The following MLLT10 variants were observed in gnomAD, a reference collection of about 807,000 sequenced individuals.
The protein encoded by MLLT10 is protein AF-10.
A neutral mutation model predicts 129.1 loss-of-function variants in MLLT10; 30 were observed. The observed-to-expected ratio is 0.23, with a 90% CI of 0.17 to 0.32. MLLT10 has a LOEUF of 0.32. Among genes scored for constraint, MLLT10 ranks in the 10% least tolerant of loss-of-function variants. The pLI is 1.00. For synonymous variants in MLLT10, 490 were observed against 446.4 expected, an observed-to-expected ratio of 1.10 and a Z score of -1.23; for missense variants, 1,119 against 1,268.3, an observed-to-expected ratio of 0.88 and a Z score of 1.79.
intron 3 of MLLT10, chr10:21,564,379 C>G (rs536622969): frequency 6.6e-6 from 1 of 152,052 alleles, no homozygotes. Flanking sequence ...CCACTACACA[C>G]GCGTCATTGT....
intron 13 of MLLT10, among the ~76,000 whole-genome samples, chr10:21,686,832 A>T (rs1267640711): frequency 1.3e-5 from 2 of 152,128 alleles, no homozygotes; most frequent in African/African-American, 4.8e-5. Context: ...AAATACAAAA[A>T]TTAGCCAGAC....
intron 11 of MLLT10, among the ~76,000 whole-genome samples, chr10:21,676,719 T>A (rs1262395837): frequency 1.2e-4 from 1 of 8,146 alleles, no homozygotes; most frequent in Non-Finnish European, 3.0e-4. Context: ...AGACTCCATC[T>A]CAAAAAAAAA....
At chr10:21,705,008 C>G (rs2055357969) in intron 13 of MLLT10, among the ~76,000 whole-genome samples, 1 of 152,028 alleles carries the variant, frequency 6.6e-6, no homozygotes, top group African/African-American at 2.4e-5. Context: ...GTTAGTGGGT[C>G]CAGGTAGGCT....
chr10:21,550,893 A>ATTAAAAATTATGTGAAAACAT (rs1276515043), intron 3 of MLLT10, among the ~76,000 whole-genome samples: 1 of 151,344 alleles, frequency 6.6e-6, no homozygotes, highest in African/African-American at 2.4e-5. Context: ...TATTCACATA[A>ATTAAAAATTATGTGAAAACAT]TTAAAAATTG....
At chr10:21,617,777 T>C (rs1337300863) in intron 8 of MLLT10, among the ~76,000 whole-genome samples, 1 of 152,242 alleles carries the variant, frequency 6.6e-6, no homozygotes, top group Non-Finnish European at 1.5e-5. Context: ...TTTTACTTGC[T>C]TTATAGGAAA....
intron 3 of MLLT10, among the ~76,000 whole-genome samples, chr10:21,558,688 T>G (rs1314222612): frequency 6.6e-6 from 1 of 152,044 alleles, no homozygotes; most frequent in Non-Finnish European, 1.5e-5. Flanking sequence ...GCCCAACCTC[T>G]TTTCAAAAAA....
At chr10:21,607,318 C>CTT (rs34563495) in intron 5 of MLLT10, among the ~76,000 whole-genome samples, 81 of 124,034 alleles carry the variant, frequency 6.5e-4, no homozygotes, top group African/African-American at 1.1e-3. Flanking sequence ...GTACTCTATG[C>CTT]TTTTTTTTTT....
intron 3 of MLLT10, among the ~76,000 whole-genome samples, chr10:21,559,348 G>C (rs1480825527): frequency 6.6e-6 from 1 of 152,162 alleles, no homozygotes; most frequent in Non-Finnish European, 1.5e-5. Context: ...AAAGTGCTGG[G>C]ATTACAGGCA....
At chr10:21,711,528 G>T (rs2056086648) in intron 13 of MLLT10, among the ~76,000 whole-genome samples, 1 of 147,506 alleles carries the variant, frequency 6.8e-6, no homozygotes, top group African/African-American at 2.5e-5. Context: ...TTTGAAATCA[G>T]CCTGTCAGCA....
chr10:21,616,911 T>G (rs1286541814), intron 7 of MLLT10, among the ~76,000 whole-genome samples: 1 of 152,018 alleles, frequency 6.6e-6, no homozygotes, highest in African/African-American at 2.4e-5. Flanking sequence ...AATATGGCAT[T>G]AATGTTTAGA....
At chr10:21,589,394 C>A (rs2042291209) in intron 4 of MLLT10, among the ~76,000 whole-genome samples, 1 of 150,628 alleles carries the variant, frequency 6.6e-6, no homozygotes, top group East Asian at 2.0e-4. Context: ...GTAGCAGGAT[C>A]CTAGCTCACT....
chr10:21,571,567 G>T (rs891685262), intron 3 of MLLT10, among the ~76,000 whole-genome samples: 4 of 152,198 alleles, frequency 2.6e-5, no homozygotes, highest in African/African-American at 4.8e-5. Flanking sequence ...CTTCAGTGCT[G>T]TTGTTTCATT....
chr10:21,541,834 C>G (rs1188596770), intron 3 of MLLT10, among the ~76,000 whole-genome samples: 2 of 152,064 alleles, frequency 1.3e-5, no homozygotes, highest in Non-Finnish European at 1.5e-5. Flanking sequence ...TTTTATAGTT[C>G]CGATGATATG....
intron 13 of MLLT10, among the ~76,000 whole-genome samples, chr10:21,704,289 A>G (rs1044677209): frequency 6.1e-5 from 9 of 148,254 alleles, no homozygotes; most frequent in African/African-American, 2.2e-4. Flanking sequence ...GATTACAGGC[A>G]TGAGCCACTG....
intron 16 of MLLT10, among the ~76,000 whole-genome samples, chr10:21,728,979 A>G (rs751301321): frequency 2.6e-5 from 4 of 151,750 alleles, no homozygotes; most frequent in Non-Finnish European, 5.9e-5. Flanking sequence ...TCTTTATCCT[A>G]AAGATTAGTT....
chr10:21,581,104 G>A (rs2041397579), intron 3 of MLLT10, among the ~76,000 whole-genome samples: 1 of 147,826 alleles, frequency 6.8e-6, no homozygotes, highest in African/African-American at 2.5e-5. Flanking sequence ...AGAGTGCAGT[G>A]GCACGATCTC....
intron 4 of MLLT10, among the ~76,000 whole-genome samples, chr10:21,587,375 C>T (rs1469980848): frequency 2.2e-5 from 3 of 138,728 alleles, no homozygotes; most frequent in East Asian, 2.2e-4. Context: ...GCCATGGCCA[C>T]ATCACTGTAC....
intron 13 of MLLT10, among the ~76,000 whole-genome samples, chr10:21,692,658 T>G (rs533943187): frequency 6.6e-6 from 1 of 151,656 alleles, no homozygotes; most frequent in Non-Finnish European, 1.5e-5. Flanking sequence ...TTTTTTTTTT[T>G]CTTTTTCAGT....
chr10:21,630,148 C>G (rs1324797986), intron 8 of MLLT10, among the ~76,000 whole-genome samples: 3 of 152,074 alleles, frequency 2.0e-5, no homozygotes, highest in African/African-American at 7.2e-5. Flanking sequence ...AGAGATATTG[C>G]TAGGCAGATT....
Sources: allele counts gnomAD v4.1 joint callset (sites outside exome capture counted in the v4.1 genomes callset), GRCh38; gene constraint gnomAD v4.1.1; transcripts MANE v1.5; gene names NCBI Gene and HGNC (gene_info 2026-07-23, HGNC 2026-07-21).